Variants in STK3 observed in about 807,000 individuals in gnomAD.
STK3 encodes the protein serine/threonine kinase 3.
A neutral mutation model predicts 58.0 loss-of-function variants in STK3; 41 were observed. That is an observed-to-expected ratio of 0.71 (90% CI 0.55 to 0.92). The LOEUF is 0.92. Among genes scored for constraint, STK3 ranks in the 40% least tolerant of loss-of-function variants. The probability of loss-of-function intolerance (pLI) is 0.00; values close to 1 mark genes in which losing one functional copy is unlikely to be tolerated. For synonymous variants in STK3, 170 were observed against 191.0 expected, an observed-to-expected ratio of 0.89 and a Z score of 0.91; for missense variants, 479 against 602.7, an observed-to-expected ratio of 0.79 and a Z score of 2.15.
chr8:98,828,130 A>G (rs1440991786), upstream of STK3, among the ~76,000 whole-genome samples: 2 of 151,532 alleles, frequency 1.3e-5, no homozygotes, highest in Non-Finnish European at 2.9e-5. Context: ...ACCCGCCACC[A>G]CGCCCAGCTA....
intron 2 of STK3, among the ~76,000 whole-genome samples, chr8:98,374,004 G>A (rs1817643276): frequency 6.6e-6 from 1 of 152,148 alleles, no homozygotes; most frequent in Non-Finnish European, 1.5e-5. Context: ...GATCTGAAAT[G>A]GAATGATCAG....
intron 3 of STK3, among the ~76,000 whole-genome samples, chr8:98,394,673 T>C (rs1817881966): frequency 6.6e-6 from 1 of 152,226 alleles, no homozygotes. Context: ...ATAAGAAGAA[T>C]AAAAATTGAG....
chr8:98,652,281 TGA>T (rs1318141512), intron 6 of STK3, among the ~76,000 whole-genome samples: 1 of 152,044 alleles, frequency 6.6e-6, no homozygotes, highest in Non-Finnish European at 1.5e-5. Context: ...AAGCAAATGC[TGA>T]GAGATTTTGT....
chr8:98,766,820 GGAAGTCA>G (rs1830978567), intron 3 of STK3, among the ~76,000 whole-genome samples: 1 of 152,132 alleles, frequency 6.6e-6, no homozygotes, highest in Admixed American at 6.6e-5. Flanking sequence ...ACTTCCAATG[GGAAGTCA>G]GAAATGAAAA....
chr8:98,878,881 TTATTTTC>T (rs1478741803), downstream of STK3: 2 of 151,330 alleles, frequency 1.3e-5, no homozygotes, highest in Non-Finnish European at 2.9e-5. Context: ...TGATAGAGAA[TTATTTTC>T]TTTTTTCTTT....
At chr8:98,625,467 CT>C (rs568749465) in intron 6 of STK3, among the ~76,000 whole-genome samples, 8 of 152,192 alleles carry the variant, frequency 5.3e-5, no homozygotes, top group Non-Finnish European at 1.0e-4. Flanking sequence ...CCAGCTCTCA[CT>C]GCTGGCTCTG....
In STK3 at chr8:98,706,645, G is replaced by A. The variant is rs901472250; in HGVS notation, c.517-11C>T. Reference sequence around the variant, plus strand: ...TTTTGCCATTGTATCCTGCAATAATGTTACATAGCCATAAATGCTACTACA... The same window carrying A: ...TTTTGCCATTGTATCCTGCAATAATATTACATAGCCATAAATGCTACTACA... On this transcript the variant is annotated splice_polypyrimidine_tract_variant and intron_variant, in intron 5 of 10. Coordinates refer to ENST00000419617, the MANE Select transcript of STK3 (RefSeq NM_006281.4). The A allele has an allele frequency of 3.1e-5, 49 of 1,566,312 alleles. No individual in the cohort carries two copies. The highest frequency in any genetic ancestry group is 4.1e-5 in the Non-Finnish European group (48 of 1,158,280).
chr8:98,714,887 C>G (rs976526498), intron 4 of STK3, among the ~76,000 whole-genome samples: 1 of 152,136 alleles, frequency 6.6e-6, no homozygotes, highest in South Asian at 2.1e-4. Flanking sequence ...AAATACACTA[C>G]AAGGCTATAG....
At chr8:98,596,927 A>T (rs1363086120) in intron 6 of STK3, among the ~76,000 whole-genome samples, 23 of 152,170 alleles carry the variant, frequency 1.5e-4, no homozygotes, top group Non-Finnish European at 3.4e-4. Context: ...TAAATATGAA[A>T]TACAAGTCAG....
At chr8:98,813,328 T>C (rs1834345994) in intron 1 of STK3, among the ~76,000 whole-genome samples, 1 of 152,230 alleles carries the variant, frequency 6.6e-6, no homozygotes. Flanking sequence ...CTTCACTTTC[T>C]ATCATTGTTT....
intron 1 of STK3, among the ~76,000 whole-genome samples, chr8:98,903,555 TC>T (rs58392227): frequency 0.41 from 13,761 of 33,228 alleles, 1,604 homozygotes; most frequent in South Asian, 0.49. Flanking sequence ...TTCTTCTTCT[TC>T]CTTTTTTTTT....
chr8:98,916,410 C>T (rs1056770210), intron 1 of STK3, among the ~76,000 whole-genome samples: 2 of 152,100 alleles, frequency 1.3e-5, no homozygotes, highest in Non-Finnish European at 2.9e-5. Context: ...CAAGACACCA[C>T]CTCAAAACAA....
At chr8:98,680,140 G>A (rs1429873137) in intron 6 of STK3, among the ~76,000 whole-genome samples, 2 of 152,106 alleles carry the variant, frequency 1.3e-5, no homozygotes, top group African/African-American at 4.8e-5. Context: ...ATACTACTAT[G>A]CACCTGAGTA....
chr8:98,785,815 G>A (rs1832431939), intron 1 of STK3, among the ~76,000 whole-genome samples: 1 of 152,086 alleles, frequency 6.6e-6, no homozygotes, highest in Admixed American at 6.5e-5. Flanking sequence ...AACCCCTAAG[G>A]AGTAGGGGAA....
chr8:98,632,696 G>A (rs1211949918), intron 6 of STK3, among the ~76,000 whole-genome samples: 1 of 152,118 alleles, frequency 6.6e-6, no homozygotes, highest in African/African-American at 2.4e-5. Flanking sequence ...TATGCATTAT[G>A]AGTATAAAAT....
At chr8:98,789,270 A>G (rs944752149) in intron 1 of STK3, among the ~76,000 whole-genome samples, 1 of 152,208 alleles carries the variant, frequency 6.6e-6, no homozygotes, top group Admixed American at 6.5e-5. Context: ...CAGTGCTTAG[A>G]GGAAAGTTTA....
At chr8:98,783,508 G>C (rs1563996604) in intron 1 of STK3, among the ~76,000 whole-genome samples, 1 of 152,210 alleles carries the variant, frequency 6.6e-6, no homozygotes, top group East Asian at 1.9e-4. Flanking sequence ...TCTTTTTGCT[G>C]GTGGAGAATC....
intron 1 of STK3, among the ~76,000 whole-genome samples, chr8:98,918,840 T>C (rs768437503): frequency 3.3e-5 from 5 of 151,964 alleles, no homozygotes; most frequent in Non-Finnish European, 7.4e-5. Flanking sequence ...TACTCTCCAA[T>C]GTTCAAATTC....
chr8:98,616,717 G>A (rs1817759004), intron 6 of STK3, among the ~76,000 whole-genome samples: 1 of 151,574 alleles, frequency 6.6e-6, no homozygotes, highest in African/African-American at 2.4e-5. Context: ...GACAAAGAAG[G>A]CCATTACATA....
Sources: gnomAD v4.1 joint callset for allele counts (sites outside exome capture counted in the v4.1 genomes callset) on GRCh38, gnomAD v4.1.1 for gene constraint, MANE v1.5 for transcripts, NCBI Gene and HGNC (gene_info 2026-07-23, HGNC 2026-07-21) for gene names.